The following RNF217 variants were observed in gnomAD, a reference collection of about 807,000 sequenced individuals.
RNF217 encodes E3 ubiquitin-protein ligase RNF217.
RNF217 carries 31 observed loss-of-function variants against 57.8 expected under a neutral mutation model. The observed-to-expected ratio is 0.54, with a 90% CI of 0.40 to 0.72. The LOEUF (loss-of-function observed/expected upper bound fraction) is 0.72, where lower values mean the gene tolerates loss of function less well. RNF217 is among the 30% of genes least tolerant of loss of function. RNF217 has a pLI of 0.00. For synonymous variants in RNF217, 313 were observed against 294.0 expected, an observed-to-expected ratio of 1.06 and a Z score of -0.66; for missense variants, 696 against 708.3, an observed-to-expected ratio of 0.98 and a Z score of 0.20.
At chr6:125,047,621 A>C (rs574587649) in intron 2 of RNF217, among the ~76,000 whole-genome samples, 5 of 152,190 alleles carry the variant, frequency 3.3e-5, no homozygotes, top group Middle Eastern at 3.4e-3. Flanking sequence ...AGAGGAAAAG[A>C]AAATTTGCTT....
At chr6:125,054,714 T>G (rs1787459697) in intron 2 of RNF217, among the ~76,000 whole-genome samples, 1 of 152,180 alleles carries the variant, frequency 6.6e-6, no homozygotes, top group Non-Finnish European at 1.5e-5. Flanking sequence ...GGCGATGCAG[T>G]CACATGGTAT....
At chr6:125,036,329 A>T (rs973273875) in intron 1 of RNF217, among the ~76,000 whole-genome samples, 1 of 152,092 alleles carries the variant, frequency 6.6e-6, no homozygotes, top group Non-Finnish European at 1.5e-5. Flanking sequence ...TCTATCATTG[A>T]TGGGCATTTG....
Position 125,011,911 on chromosome 6 carries a change from CTCTG to C in RNF217, c.883-33296_883-33293del, listed in dbSNP as rs1419022882. 5.9e-5 allele frequency among the ~76,000 whole-genome samples: 9 copies of C among 152,162 alleles called. No individual in the cohort carries two copies. The East Asian group carries it at 1.5e-3, about 26-fold the overall frequency. On this transcript the variant is annotated intron_variant, in intron 1 of 5. Transcript: ENST00000521654. ...TTGGTGCTGAGTTCTTGACTCTTTC[CTCTG>C]TCTTCATATGCATTTTAGTGTGATT...
At chr6:125,075,320 G>A (rs1394021528) in intron 3 of RNF217, among the ~76,000 whole-genome samples, 1 of 152,052 alleles carries the variant, frequency 6.6e-6, no homozygotes, top group Non-Finnish European at 1.5e-5. Context: ...CTGGGCAATT[G>A]TATTAGTCCA....
intron 1 of RNF217, among the ~76,000 whole-genome samples, chr6:125,031,946 A>G (rs1384859807): frequency 6.6e-6 from 1 of 152,168 alleles, no homozygotes; most frequent in Non-Finnish European, 1.5e-5. Context: ...ACAGTTCCGC[A>G]TGTCTGGGGA....
At chr6:124,991,888 A>G (rs917909618) in intron 1 of RNF217, among the ~76,000 whole-genome samples, 2 of 152,206 alleles carry the variant, frequency 1.3e-5, no homozygotes, top group Non-Finnish European at 2.9e-5. Flanking sequence ...CCACTCAGGT[A>G]TAGCACTTTT....
chr6:125,044,170 T>C (rs1786999246), intron 1 of RNF217, among the ~76,000 whole-genome samples: 1 of 152,040 alleles, frequency 6.6e-6, no homozygotes, highest in South Asian at 2.1e-4. Flanking sequence ...CAAGTGCGCA[T>C]GTTTTGCTTT....
chr6:124,971,997 C>T (rs1023810527), intron 1 of RNF217, among the ~76,000 whole-genome samples: 2 of 152,150 alleles, frequency 1.3e-5, no homozygotes, highest in African/African-American at 2.4e-5. Flanking sequence ...TATCCCCAGT[C>T]AAGTGTCATA....
chr6:125,004,959 G>A (rs1164062801), intron 1 of RNF217, among the ~76,000 whole-genome samples: 1 of 152,138 alleles, frequency 6.6e-6, no homozygotes, highest in African/African-American at 2.4e-5. Context: ...TGGAGGATGG[G>A]AAGTCCAAGT....
intron 3 of RNF217, among the ~76,000 whole-genome samples, chr6:125,062,327 C>T (rs1787766763): frequency 6.6e-6 from 1 of 151,992 alleles, no homozygotes; most frequent in South Asian, 2.1e-4. Context: ...AGAGATTTGA[C>T]TTGTGCTTAG....
intron 1 of RNF217, among the ~76,000 whole-genome samples, chr6:124,973,579 A>G (rs1468881182): frequency 6.6e-6 from 1 of 152,228 alleles, no homozygotes. Flanking sequence ...TATGTTTGCT[A>G]TAAAAAGTAA....
chr6:125,009,505 A>G (rs1255651361), intron 1 of RNF217: 4 of 459,316 alleles, frequency 8.7e-6, no homozygotes, highest in Admixed American at 3.8e-5. Flanking sequence ...ACTATTTACC[A>G]TGAAGAGCTA....
rs1167507219 is a variant in RNF217 at position 124,981,878 on chromosome 6, T to A, written c.882+18452T>A. On this transcript the variant is annotated intron_variant, in intron 1 of 5. Transcript: ENST00000521654. Reference sequence around the variant, plus strand: ...CTAAAAATACAAAAAAAAAAAAAAATTTGGCCGGGCGTGGTTATGGGCACC... The same window carrying A: ...CTAAAAATACAAAAAAAAAAAAAAAATTGGCCGGGCGTGGTTATGGGCACC... Among the ~76,000 whole-genome samples the A allele has an allele frequency of 4.7e-5, 7 of 148,076 alleles. No homozygotes were observed. The East Asian group carries it at 6.0e-4, about 13-fold the overall frequency.
chr6:125,037,482 CAA>C (rs986294875), intron 1 of RNF217, among the ~76,000 whole-genome samples: 41 of 152,206 alleles, frequency 2.7e-4, no homozygotes, highest in African/African-American at 8.7e-4. Context: ...TGCTTAGAGT[CAA>C]GAGATTTCTG....
At chr6:125,078,540 G>A (rs746974090) in intron 4 of RNF217, among the ~76,000 whole-genome samples, 2 of 152,076 alleles carry the variant, frequency 1.3e-5, no homozygotes, top group Non-Finnish European at 2.9e-5. Context: ...GCAAGCCCAC[G>A]AGACACAGAA....
At position 125,076,713 on chromosome 6, in the gene RNF217, T is replaced by C. The variant is rs756803420; in HGVS notation, c.1338T>C (p.Thr446=). The C allele has an allele frequency of 2.2e-5, 36 of 1,613,326 alleles. No individual in the cohort carries two copies. The highest frequency in any genetic ancestry group is 3.0e-5 in the Non-Finnish European group (35 of 1,179,428). ...CDHMTCSQCN[T]NFCYRCGERY... is the part of the protein sequence containing the mutation. ...ATATGACCTGCTCACAATGTAACAC[T>C]AATTTTTGTTACCGATGTGGTGAGA... is the stretch of plus-strand genomic sequence containing the variant. Residue 446 remains threonine, a synonymous_variant, in exon 4 of 6, where the codon ACT becomes ACC. Transcript: ENST00000521654.
At chr6:125,033,586 G>A (rs1786462162) in intron 1 of RNF217, among the ~76,000 whole-genome samples, 1 of 150,620 alleles carries the variant, frequency 6.6e-6, no homozygotes, top group South Asian at 2.1e-4. Flanking sequence ...TCTTAATCCA[G>A]TCTATCATTG....
intron 1 of RNF217, among the ~76,000 whole-genome samples, chr6:125,007,003 GTTT>G (rs941581016): frequency 1.3e-5 from 2 of 152,116 alleles, no homozygotes; most frequent in Non-Finnish European, 2.9e-5. Flanking sequence ...AGCTTTGTCT[GTTT>G]TTTATTTGTT....
At chr6:125,077,500 T>C (rs531693337) in intron 4 of RNF217, among the ~76,000 whole-genome samples, 1 of 152,156 alleles carries the variant, frequency 6.6e-6, no homozygotes, top group Non-Finnish European at 1.5e-5. Context: ...CATAGTAGCC[T>C]CATACACAAC....
Sources: gnomAD v4.1 joint callset for allele counts (sites outside exome capture counted in the v4.1 genomes callset) on GRCh38, gnomAD v4.1.1 for gene constraint, MANE v1.5 for transcripts, NCBI Gene and HGNC (gene_info 2026-07-23, HGNC 2026-07-21) for gene names.